HAPLN1: variants seen among roughly 807,000 people sequenced by gnomAD.
The protein encoded by HAPLN1 is Cartilage link protein.
Under a neutral mutation model 36.5 loss-of-function variants are expected in HAPLN1, and 13 were observed. The ratio of observed to expected loss-of-function variants is 0.36; its 90% CI spans 0.23 to 0.57. HAPLN1 has a LOEUF of 0.57. HAPLN1 is among the 20% of genes least tolerant of loss of function. HAPLN1 has a pLI of 0.83. For missense variants in HAPLN1, 407 were observed against 439.7 expected (o/e 0.93, Z 0.66); for synonymous variants, 202 against 169.8 (o/e 1.19, Z -1.48).
At chr5:83,706,103 C>G (rs969427213) in intron 1 of HAPLN1, among the ~76,000 whole-genome samples, 1 of 92,306 alleles carries the variant, frequency 1.1e-5, no homozygotes, top group African/African-American at 4.3e-5. Context: ...GCCTACCAAT[C>G]GAAAAAAAAA....
chr5:83,702,833 T>A (rs142429878), intron 1 of HAPLN1, among the ~76,000 whole-genome samples: 96 of 152,074 alleles, frequency 6.3e-4, no homozygotes, highest in Non-Finnish European at 1.2e-3. Context: ...CGCCTCAACC[T>A]CCCAAATAGC....
At position 83,685,976 on chromosome 5, in the gene HAPLN1, A is replaced by T. The variant is rs936319076; in HGVS notation, c.-26-12427T>A. 5 of 152,066 alleles carry T rather than the reference A, an allele frequency of 3.3e-5. No individual in the cohort carries two copies. The South Asian group carries it at 1.0e-3, about 32-fold the overall frequency. 9.4% of individuals were successfully genotyped at this position (152,066 alleles called of 1,614,324 possible). A position where few individuals can be genotyped will look rare whatever the true frequency, so the allele number is the denominator to read the frequency against. The stretch of plus-strand genomic sequence containing the variant: ...TATACTTTCTTGCAAGTATTTCCAC[A>T]CAAGTTCTCGAAGTCCATTTGTAGG... On this transcript the variant is annotated intron_variant, in intron 1 of 4. Coordinates refer to ENST00000274341, the MANE Select transcript of HAPLN1 (RefSeq NM_001884.4).
At chr5:83,679,532 G>A (rs10065029) in intron 1 of HAPLN1, among the ~76,000 whole-genome samples, 43,328 of 151,606 alleles carry the variant, frequency 0.29, 6,680 homozygotes, top group East Asian at 0.41. Flanking sequence ...TTTCTGACCC[G>A]CTCTTACATA....
chr5:83,694,164 T>A (rs1367511410), intron 1 of HAPLN1, among the ~76,000 whole-genome samples: 7 of 151,992 alleles, frequency 4.6e-5, no homozygotes, highest in Non-Finnish European at 1.0e-4. Context: ...TTCTATCTAT[T>A]TGGAAACTAA....
At chr5:83,684,147 A>ACAAC (rs1213148039) in intron 1 of HAPLN1, among the ~76,000 whole-genome samples, 1 of 152,134 alleles carries the variant, frequency 6.6e-6, no homozygotes, top group African/African-American at 2.4e-5. Flanking sequence ...AATAGGGAAA[A>ACAAC]ACAACACCAG....
At chr5:83,703,008 G>A (rs1325421208) in intron 1 of HAPLN1, among the ~76,000 whole-genome samples, 1 of 152,096 alleles carries the variant, frequency 6.6e-6, no homozygotes, top group Non-Finnish European at 1.5e-5. Flanking sequence ...CACCATATCT[G>A]GCCTCCAGCA....
chr5:83,676,713 G>A (rs1750868229), intron 1 of HAPLN1, among the ~76,000 whole-genome samples: 1 of 152,102 alleles, frequency 6.6e-6, no homozygotes, highest in Admixed American at 6.6e-5. Context: ...TTTTTGATAT[G>A]AGCTAAAATT....
At chr5:83,682,965 G>A (rs982872717) in intron 1 of HAPLN1, among the ~76,000 whole-genome samples, 5 of 151,964 alleles carry the variant, frequency 3.3e-5, no homozygotes, top group African/African-American at 1.2e-4. Flanking sequence ...TTCTTTATAG[G>A]CATGGAATCT....
intron 1 of HAPLN1, among the ~76,000 whole-genome samples, chr5:83,676,313 T>G (rs1278690343): frequency 6.6e-6 from 1 of 152,108 alleles, no homozygotes; most frequent in Non-Finnish European, 1.5e-5. Flanking sequence ...CTGCAGTAAC[T>G]TGTGATTAGA....
intron 1 of HAPLN1, among the ~76,000 whole-genome samples, chr5:83,703,961 T>C (rs1751568985): frequency 6.6e-6 from 1 of 150,730 alleles, no homozygotes; most frequent in Non-Finnish European, 1.5e-5. Flanking sequence ...TTTTCGAAGA[T>C]TAAAATGAAA....
chr5:83,719,046 T>C (rs1751970746), intron 1 of HAPLN1, among the ~76,000 whole-genome samples: 1 of 152,186 alleles, frequency 6.6e-6, no homozygotes, highest in Non-Finnish European at 1.5e-5. Context: ...TGAATGTATT[T>C]ATCCTGGATG....
At chr5:83,646,848 G>A (rs1215990592) in intron 3 of HAPLN1, among the ~76,000 whole-genome samples, 1 of 152,206 alleles carries the variant, frequency 6.6e-6, no homozygotes, top group Non-Finnish European at 1.5e-5. Context: ...AACCCTGGGA[G>A]TGCTGATGAA....
At chr5:83,700,235 A>C (rs1372305935) in intron 1 of HAPLN1, among the ~76,000 whole-genome samples, 1 of 151,634 alleles carries the variant, frequency 6.6e-6, no homozygotes, top group Non-Finnish European at 1.5e-5. Flanking sequence ...CCACCACCAC[A>C]ACAAAAATTA....
rs201017322 is a variant in HAPLN1, at chr5:83,644,543, G to T, written c.595C>A (p.Arg199=). The change falls in exon 4 of 5, where the codon CGG becomes AGG. Residue 199 remains arginine, a synonymous_variant. Coordinates refer to ENST00000274341, the MANE Select transcript of HAPLN1 (RefSeq NM_001884.4). The part of the protein sequence containing the change: ...ASFDQLYDAW[R]GGLDWCNAGW... ...GCATTGCACCAGTCCAGCCCGCCCC[G>T]CCAGGCGTCGTACAGCTGGTCGAAG... The T allele has an allele frequency of 6.2e-7, 1 of 1,608,060 alleles. No homozygotes were observed. The highest frequency in any genetic ancestry group is 8.5e-7 in the Non-Finnish European group (1 of 1,177,270).
chr5:83,649,080 T>C (rs1749970289), intron 3 of HAPLN1, among the ~76,000 whole-genome samples: 1 of 152,230 alleles, frequency 6.6e-6, no homozygotes, highest in African/African-American at 2.4e-5. Context: ...ATATCCCATC[T>C]GAGTTTTTCT....
At chr5:83,711,896 G>A (rs1354937206) in intron 1 of HAPLN1, among the ~76,000 whole-genome samples, 1 of 152,224 alleles carries the variant, frequency 6.6e-6, no homozygotes, top group South Asian at 2.1e-4. Flanking sequence ...AGATTGAAAG[G>A]TCAAGTAAAC....
At chr5:83,651,815 A>G (rs1750070682) in intron 3 of HAPLN1, among the ~76,000 whole-genome samples, 1 of 152,258 alleles carries the variant, frequency 6.6e-6, no homozygotes, top group East Asian at 1.9e-4. Context: ...AAGGATGGCA[A>G]GGACACTTTT....
chr5:83,663,594 G>T (rs946137618), intron 2 of HAPLN1, among the ~76,000 whole-genome samples: 1 of 152,112 alleles, frequency 6.6e-6, no homozygotes, highest in East Asian at 1.9e-4. Context: ...CCATCTTCCT[G>T]TTGGTCCTAT....
intron 1 of HAPLN1, among the ~76,000 whole-genome samples, chr5:83,681,353 T>G (rs1218871685): frequency 6.6e-6 from 1 of 152,126 alleles, no homozygotes; most frequent in Non-Finnish European, 1.5e-5. Context: ...TATGTATAAT[T>G]TTGTCTGAAA....
Sources: allele counts gnomAD v4.1 joint callset (sites outside exome capture counted in the v4.1 genomes callset), GRCh38; gene constraint gnomAD v4.1.1; transcripts MANE v1.5; gene names NCBI Gene and HGNC (gene_info 2026-07-23, HGNC 2026-07-21).